Variants in EWSR1 observed in about 807,000 individuals in gnomAD.
EWSR1 encodes RNA-binding protein EWS.
In EWSR1, 14 loss-of-function variants were observed where a neutral mutation model predicts 92.1. The ratio of observed to expected loss-of-function variants is 0.15; its 90% CI spans 0.10 to 0.24. EWSR1 has a LOEUF of 0.24. EWSR1 is among the 10% of genes least tolerant of loss of function. The probability of loss-of-function intolerance (pLI) is 1.00; values close to 1 mark genes in which losing one functional copy is unlikely to be tolerated. For synonymous variants in EWSR1, 303 were observed against 292.9 expected (o/e 1.03, Z -0.35); for missense variants, 637 against 870.9 (o/e 0.73, Z 3.38).
chr22:29,293,234 CTGGCCACCTCAAG>C (rs2060580709), intron 11 of EWSR1, among the ~76,000 whole-genome samples: 1 of 152,088 alleles, frequency 6.6e-6, no homozygotes, highest in Non-Finnish European at 1.5e-5. Context: ...TCTCTAACTC[CTGGCCACCTCAAG>C]TGGCCACCTA....
chr22:29,296,737 A>G (rs559174902), intron 12 of EWSR1, among the ~76,000 whole-genome samples: 1 of 152,176 alleles, frequency 6.6e-6, no homozygotes, highest in Non-Finnish European at 1.5e-5. Context: ...GACAAAACCA[A>G]CTTGAAAGCA....
intron 5 of EWSR1, among the ~76,000 whole-genome samples, chr22:29,279,857 A>C (rs1035101772): frequency 2.0e-5 from 3 of 152,120 alleles, no homozygotes; most frequent in African/African-American, 7.2e-5. Flanking sequence ...CCCATTTGAT[A>C]CTCTGATGCA....
intron 4 of EWSR1, chr22:29,276,172 C>T (rs1277242262): frequency 8.7e-6 from 2 of 230,526 alleles, no homozygotes; most frequent in African/African-American, 2.2e-5. Flanking sequence ...ATCTTATAGA[C>T]GTGTCATGTA....
rs5763129 is a variant in EWSR1 at position 29,283,532 on chromosome 22, A to G, written c.581+975A>G. Among the ~76,000 whole-genome samples, 68 of 149,904 alleles carry G rather than the reference A, an allele frequency of 4.5e-4. 2 individuals carry two copies. The East Asian group carries it at 0.01, about 22-fold the overall frequency. Reference sequence around the variant, plus strand: ...CCTGACTAACTTTTCTTTTTGTTTTATTGTTGTTTTGAGATGGAGTTTCGC... The same window carrying G: ...CCTGACTAACTTTTCTTTTTGTTTTGTTGTTGTTTTGAGATGGAGTTTCGC... On this transcript the variant is annotated intron_variant, in intron 6 of 16. Transcript: ENST00000397938.
At chr22:29,293,058 C>A (rs959366365) in intron 11 of EWSR1, among the ~76,000 whole-genome samples, 1 of 152,084 alleles carries the variant, frequency 6.6e-6, no homozygotes, top group African/African-American at 2.4e-5. Context: ...GGCCTTCCCT[C>A]CTCCACCCCT....
intron 1 of EWSR1, among the ~76,000 whole-genome samples, chr22:29,270,569 C>G (rs754743559): frequency 3.3e-5 from 5 of 152,134 alleles, no homozygotes; most frequent in African/African-American, 1.2e-4. Flanking sequence ...AGTATAGGGC[C>G]GAATCCTGTG....
intron 7 of EWSR1, 52 bp from the exon 8 acceptor site, chr22:29,288,554 G>T: frequency 6.6e-7 from 1 of 1,513,114 alleles, no homozygotes; most frequent in Non-Finnish European, 8.9e-7. Context: ...AAGTACATCA[G>T]GCAGTGGTGT....
chr22:29,285,053 A>C (rs967075806), intron 6 of EWSR1, among the ~76,000 whole-genome samples: 4 of 150,072 alleles, frequency 2.7e-5, no homozygotes, highest in Non-Finnish European at 5.9e-5. Context: ...CCCTGACCTC[A>C]GGTGATCCAC....
intron 3 of EWSR1, among the ~76,000 whole-genome samples, chr22:29,273,514 C>G (rs1174210479): frequency 2.0e-5 from 3 of 152,102 alleles, no homozygotes; most frequent in African/African-American, 7.2e-5. Context: ...GCCTACTTAC[C>G]TAATGAGCTT....
At position 29,292,178 on chromosome 22, in the gene EWSR1, G is replaced by A. The variant is rs1406673432; in HGVS notation, c.1045+9G>A. 6.2e-7 allele frequency: 1 copy of A among 1,613,406 alleles called. No homozygotes were observed. The highest frequency in any genetic ancestry group is 8.5e-7 in the Non-Finnish European group (1 of 1,179,450). On this transcript the variant is annotated intron_variant, in intron 10 of 16. Transcript: ENST00000397938. ...ACCAGATCTTGATCTAGGTAATTTT[G>A]AATTCTAGTTGTGCTTCATATCGTG...
At chr22:29,279,267 G>T (rs1050667696) in intron 5 of EWSR1, among the ~76,000 whole-genome samples, 6 of 152,130 alleles carry the variant, frequency 3.9e-5, no homozygotes, top group African/African-American at 1.4e-4. Flanking sequence ...GCAAAAACAT[G>T]GTAGTTCACA....
At position 29,275,935 on chromosome 22, in the gene EWSR1, GT is replaced by G. The variant is rs71322634; in HGVS notation, c.226+2081del. ...TGGTCTTTTGTTTTTTTGTTTTTTT[GT>G]TTTTTTTTTGGTCATTAAATCATTT... On this transcript the variant is annotated intron_variant, in intron 4 of 16. Transcript: ENST00000397938. 5.9e-3 allele frequency: 1,259 copies of G among 214,456 alleles called. 9 individuals are homozygous for G. Among genetic ancestry groups the G allele is most frequent in the African/African-American group, 0.025 (1,062 of 43,046 alleles). 13.3% of individuals were successfully genotyped at this position (214,456 alleles called of 1,614,324 possible).
chr22:29,268,664 C>T (rs2058349332), intron 1 of EWSR1, among the ~76,000 whole-genome samples: 1 of 152,202 alleles, frequency 6.6e-6, no homozygotes, highest in South Asian at 2.1e-4. Flanking sequence ...GTGGGCGGGG[C>T]CTGCGGCCTT....
At chr22:29,278,590 C>T (rs923700217) in intron 5 of EWSR1, among the ~76,000 whole-genome samples, 11 of 151,982 alleles carry the variant, frequency 7.2e-5, no homozygotes, top group African/African-American at 2.4e-4. Context: ...TTTGGGAGGC[C>T]GAGGCAGGGG....
rs532324300 is a variant in EWSR1 at position 29,296,728 on chromosome 22, A to G, written c.1294+360A>G. Among the ~76,000 whole-genome samples the G allele has an allele frequency of 5.3e-5, 8 of 152,326 alleles. No individual in the cohort carries two copies. The East Asian group carries it at 1.5e-3, about 29-fold the overall frequency. The stretch of plus-strand genomic sequence containing the variant: ...CATTAATGGTGGGATTTCACTTCAG[A>G]CAAAACCAACTTGAAAGCATTGAAT... On this transcript the variant is annotated intron_variant, in intron 12 of 16. Coordinates refer to ENST00000397938, the MANE Select transcript of EWSR1 (RefSeq NM_005243.4).
intron 12 of EWSR1, 53 bp from the exon 13 acceptor site, chr22:29,297,774 T>G: frequency 6.2e-7 from 1 of 1,602,502 alleles, no homozygotes. Context: ...TGATGTGGAG[T>G]TGGTGAACAG....
chr22:29,281,643 C>CATAT (rs2059612110), intron 5 of EWSR1, among the ~76,000 whole-genome samples: 2 of 152,062 alleles, frequency 1.3e-5, no homozygotes, highest in Non-Finnish European at 1.5e-5. Context: ...TGCAGTGGCG[C>CATAT]GATCTCGGCT....
chr22:29,278,797 C>T (rs2059326087), intron 5 of EWSR1, among the ~76,000 whole-genome samples: 1 of 150,996 alleles, frequency 6.6e-6, no homozygotes. Context: ...TGCACTCCAG[C>T]CTGGGAGACA....
At chr22:29,270,457 T>G (rs1207083265) in intron 1 of EWSR1, among the ~76,000 whole-genome samples, 2 of 152,202 alleles carry the variant, frequency 1.3e-5, no homozygotes, top group Non-Finnish European at 2.9e-5. Flanking sequence ...TACGTTTGCA[T>G]CAACCTAATA....
Sources: gnomAD v4.1 joint callset for allele counts (sites outside exome capture counted in the v4.1 genomes callset) on GRCh38, gnomAD v4.1.1 for gene constraint, MANE v1.5 for transcripts, NCBI Gene and HGNC (gene_info 2026-07-23, HGNC 2026-07-21) for gene names.